Variants in UBE3C observed in about 807,000 individuals in gnomAD.
The protein encoded by UBE3C is ubiquitin protein ligase E3C.
In UBE3C, 42 loss-of-function variants were observed where a neutral mutation model predicts 129.4. That is an observed-to-expected ratio of 0.32 (90% confidence interval 0.25 to 0.42). The LOEUF is 0.42. UBE3C is among the 10% of genes least tolerant of loss of function. UBE3C has a pLI of 1.00. For missense variants in UBE3C, 1,049 were observed against 1,319.1 expected, an observed-to-expected ratio of 0.80 and a Z score of 3.17; for synonymous variants, 510 against 492.4, an observed-to-expected ratio of 1.04 and a Z score of -0.47.
chr7:157,193,039 G>A (rs1272479766), intron 10 of UBE3C, among the ~76,000 whole-genome samples: 1 of 152,096 alleles, frequency 6.6e-6, no homozygotes, highest in Non-Finnish European at 1.5e-5. Context: ...AATTGGTTCT[G>A]GTGTCAATGC....
intron 10 of UBE3C, among the ~76,000 whole-genome samples, chr7:157,193,024 G>C (rs1235671773): frequency 1.3e-5 from 2 of 152,202 alleles, no homozygotes; most frequent in African/African-American, 4.8e-5. Context: ...AGGGCTGGCT[G>C]TTTAAATTGG....
At chr7:157,191,904 T>G (rs1176862801) in intron 10 of UBE3C, among the ~76,000 whole-genome samples, 2 of 152,230 alleles carry the variant, frequency 1.3e-5, no homozygotes, top group Non-Finnish European at 2.9e-5. Context: ...ATTTCATAGC[T>G]GCTTTTATTA....
At chr7:157,210,182 A>C (rs1000705601) in intron 13 of UBE3C, among the ~76,000 whole-genome samples, 1 of 152,242 alleles carries the variant, frequency 6.6e-6, no homozygotes, top group African/African-American at 2.4e-5. Context: ...CTCCAAAAAA[A>C]AAGAGGGTGA....
At position 157,242,537 on chromosome 7, in the gene UBE3C, T is replaced by TTTA. The variant is rs1554436967; in HGVS notation, c.2482-5831_2482-5830insTTA. On this transcript the variant is annotated intron_variant, in intron 18 of 22. Coordinates refer to ENST00000348165, the MANE Select transcript of UBE3C (RefSeq NM_014671.3). ...TTGTTTTTTTTTTTTTTTTTTTTTTTAAATTCCTACTGTCTTTCAGAAGCA... is the reference window on the plus strand; with the variant it reads ...TTGTTTTTTTTTTTTTTTTTTTTTTTTTAAAATTCCTACTGTCTTTCAGAAGCA... Among the ~76,000 whole-genome samples, 200 of 140,476 alleles carry TTTA rather than the reference T, an allele frequency of 1.4e-3. 1 individual carries two copies. The highest frequency in any genetic ancestry group is 3.9e-3 in the Middle Eastern group (1 of 256). The allele number at this position is 140,476 out of a possible 152,430, so 92.2% of individuals were successfully genotyped here. A position where few individuals can be genotyped will look rare whatever the true frequency, so the allele number is the denominator to read the frequency against.
chr7:157,187,737 C>T (rs1240023722), intron 10 of UBE3C, among the ~76,000 whole-genome samples: 11 of 151,966 alleles, frequency 7.2e-5, no homozygotes, highest in South Asian at 4.2e-4. Flanking sequence ...CCACCTCGCC[C>T]GGCTAATTTT....
chr7:157,222,267 C>T (rs755289436), intron 15 of UBE3C: 57 of 152,194 alleles, frequency 3.7e-4, no homozygotes, highest in Non-Finnish European at 7.1e-4. Context: ...TTGTCCCAAT[C>T]TGTGGCTTGT....
At chr7:157,204,397 T>TAAAAAAAAAAAA (rs1809374148) in intron 11 of UBE3C, among the ~76,000 whole-genome samples, 3 of 93,092 alleles carry the variant, frequency 3.2e-5, no homozygotes, top group Admixed American at 1.3e-4. Flanking sequence ...AAACTTTGTT[T>TAAAAAAAAAAAA]CAAAAAAAAA....
chr7:157,201,078 C>T (rs990497547), intron 10 of UBE3C, among the ~76,000 whole-genome samples: 1 of 152,028 alleles, frequency 6.6e-6, no homozygotes, highest in African/African-American at 2.4e-5. Context: ...AATCCCAGCA[C>T]TTTGGGATGC....
chr7:157,139,257 G>A lies in UBE3C; in HGVS notation c.-16G>A. On this transcript the variant is annotated 5_prime_UTR_variant, in exon 1 of 23. An upstream start codon of the reference 5' UTR is lost. Coordinates refer to ENST00000348165, the MANE Select transcript of UBE3C (RefSeq NM_014671.3). Reference sequence around the variant, plus strand: ...TTCCGCGGCGGCGCTGCCCGCACATGGGCTAGGCTGCCAGGATGTTCAGCT... The same window carrying A: ...TTCCGCGGCGGCGCTGCCCGCACATAGGCTAGGCTGCCAGGATGTTCAGCT... 3 of 1,549,162 alleles carry A rather than the reference G, an allele frequency of 1.9e-6. No homozygotes were observed. In the South Asian group the frequency reaches 3.5e-5, roughly 18 times the overall value.
chr7:157,207,201 G>A (rs1337287351), intron 11 of UBE3C, among the ~76,000 whole-genome samples, 197 bp from the exon 12 acceptor site: 4 of 152,136 alleles, frequency 2.6e-5, no homozygotes, highest in African/African-American at 4.8e-5. Context: ...GGGTTGGTAT[G>A]CTATTTTTTG....
intron 10 of UBE3C, chr7:157,198,091 C>T: frequency 1.2e-6 from 2 of 1,612,156 alleles, no homozygotes; most frequent in Non-Finnish European, 1.7e-6. Context: ...AGAAATTGAG[C>T]ATTTGTTGGT....
chr7:157,165,766 ATTC>A (rs1438760480), intron 2 of UBE3C, among the ~76,000 whole-genome samples: 7 of 152,176 alleles, frequency 4.6e-5, no homozygotes, highest in African/African-American at 1.4e-4. Flanking sequence ...ATTTTCTTTC[ATTC>A]TTTTATATAG....
rs147772790 is a variant in UBE3C at position 157,180,748 on chromosome 7, A to G, written c.617-770A>G. Among the ~76,000 whole-genome samples the G allele has an allele frequency of 4.1e-3, 630 of 152,290 alleles. 2 individuals carry two copies. Among genetic ancestry groups the G allele is most frequent in the African/African-American group, 0.014 (584 of 41,576 alleles). ...AGTTCCTATCAGAAGCGTAGGCTGG[A>G]TATTTTAAGAGGTTCTGAAAGTTGT... On this transcript the variant is annotated intron_variant, in intron 6 of 22. Transcript: ENST00000348165.
chr7:157,240,583 G>T (rs1796287669), intron 18 of UBE3C, among the ~76,000 whole-genome samples: 2 of 152,154 alleles, frequency 1.3e-5, no homozygotes, highest in Non-Finnish European at 2.9e-5. Flanking sequence ...CAGGGGTGGG[G>T]TTTTTTGCCA....
intron 10 of UBE3C, among the ~76,000 whole-genome samples, chr7:157,193,100 C>T (rs1375528307): frequency 6.6e-6 from 1 of 152,084 alleles, no homozygotes; most frequent in African/African-American, 2.4e-5. Flanking sequence ...ACTCTTAGCT[C>T]CTAGTTTGTG....
chr7:157,268,465 C>T lies in UBE3C; in HGVS notation c.*710C>T, dbSNP rs1797137550. 6.6e-6 allele frequency: 1 copy of T among 152,642 alleles called. No homozygotes were observed. The highest frequency in any genetic ancestry group is 6.5e-5 in the Admixed American group (1 of 15,270). 9.5% of individuals were successfully genotyped at this position (152,642 alleles called of 1,614,324 possible). ...CTATCTCCACTTTGTGCCTGGAGAG[C>T]TTTCAGGGGAGGTGGAGGAGGAGGG... is the stretch of plus-strand genomic sequence containing the variant. On this transcript the variant is annotated 3_prime_UTR_variant, in exon 23 of 23. Transcript: ENST00000348165.
intron 1 of UBE3C, among the ~76,000 whole-genome samples, chr7:157,162,156 C>G (rs531415039): frequency 1.3e-5 from 2 of 152,260 alleles, no homozygotes; most frequent in Admixed American, 6.5e-5. Context: ...TAACTACTCT[C>G]TGACACTGTT....
chr7:157,156,297 G>GTTTTTTTTTTTTTTTTTTTT (rs1807901673), intron 1 of UBE3C, among the ~76,000 whole-genome samples: 1 of 122,256 alleles, frequency 8.2e-6, no homozygotes, highest in African/African-American at 3.1e-5. Context: ...CACACCCCCA[G>GTTTTTTTTTTTTTTTTTTTT]TTCTTTTTTT....
At chr7:157,255,011 G>C (rs1796714931) in intron 21 of UBE3C, among the ~76,000 whole-genome samples, 1 of 152,102 alleles carries the variant, frequency 6.6e-6, no homozygotes, top group African/African-American at 2.4e-5. Flanking sequence ...TACGTCGGGT[G>C]CTGAGGCAGG....
Sources: allele counts gnomAD v4.1 joint callset (sites outside exome capture counted in the v4.1 genomes callset), GRCh38; gene constraint gnomAD v4.1.1; transcripts MANE v1.5; gene names NCBI Gene and HGNC (gene_info 2026-07-23, HGNC 2026-07-21).